MAP2K5: variants seen among roughly 807,000 people sequenced by gnomAD.
The protein encoded by MAP2K5 is dual specificity mitogen-activated protein kinase kinase 5.
MAP2K5 carries 49 observed loss-of-function variants against 83.1 expected under a neutral mutation model. The ratio of observed to expected loss-of-function variants is 0.59; its 90% CI spans 0.47 to 0.75. The LOEUF (loss-of-function observed/expected upper bound fraction) is 0.75. Ranked by LOEUF, MAP2K5 falls within the 30% of genes least tolerant of loss-of-function variation. MAP2K5 has a pLI of 0.00. For synonymous variants in MAP2K5, 202 were observed against 191.8 expected (o/e 1.05, Z -0.44); for missense variants, 457 against 557.5 (o/e 0.82, Z 1.82).
intron 17 of MAP2K5, among the ~76,000 whole-genome samples, chr15:67,733,964 C>T (rs2089283286): frequency 6.6e-6 from 1 of 152,204 alleles, no homozygotes; most frequent in Non-Finnish European, 1.5e-5. Context: ...GCATTTGCTT[C>T]AGAACCTCCT....
chr15:67,631,364 G>A (rs1277756941), intron 9 of MAP2K5, among the ~76,000 whole-genome samples: 1 of 151,976 alleles, frequency 6.6e-6, no homozygotes, highest in Non-Finnish European at 1.5e-5. Context: ...GTCTTGGATC[G>A]GGCTCACATT....
Position 67,565,594 on chromosome 15 carries a change from C to G in MAP2K5, c.252+2244C>G, listed in dbSNP as rs1227871990. Among the ~76,000 whole-genome samples the G allele has an allele frequency of 6.6e-6, 1 of 152,014 alleles. No individual in the cohort carries two copies. Among genetic ancestry groups the G allele is most frequent in the Non-Finnish European group, 1.5e-5 (1 of 68,018 alleles). Reference sequence around the variant, plus strand: ...TAATACCTTAGTTGTGATTTCTGCACCATGTATTCCTTACAGCATATGCTT... The same window carrying G: ...TAATACCTTAGTTGTGATTTCTGCAGCATGTATTCCTTACAGCATATGCTT... On this transcript the variant is annotated intron_variant, in intron 3 of 21. Coordinates refer to ENST00000178640, the MANE Select transcript of MAP2K5 (RefSeq NM_145160.3). The surrounding 1 kb of genome is among the most constrained non-coding windows in gnomAD (Gnocchi z 4.1).
Position 67,701,261 on chromosome 15 carries a change from A to G in MAP2K5, c.973-2076A>G, listed in dbSNP as rs138911722. On this transcript the variant is annotated intron_variant, in intron 15 of 21. Transcript: ENST00000178640. The stretch of plus-strand genomic sequence containing the variant: ...AAGTTCTTGACAGACATGAATAGCA[A>G]TGTATGAGGAAGTTATATAAGAACT... 2.0e-5 allele frequency among the ~76,000 whole-genome samples: 3 copies of G among 152,334 alleles called. No individual in the cohort carries two copies. In the East Asian group the frequency reaches 5.8e-4, roughly 29 times the overall value.
intron 13 of MAP2K5, among the ~76,000 whole-genome samples, chr15:67,666,015 C>G (rs2087368888): frequency 6.6e-6 from 1 of 152,150 alleles, no homozygotes; most frequent in Non-Finnish European, 1.5e-5. Flanking sequence ...ATGGTCAGTT[C>G]TCAAAATTTT....
At chr15:67,622,848 C>G (rs1412788573) in intron 8 of MAP2K5, among the ~76,000 whole-genome samples, 1 of 152,166 alleles carries the variant, frequency 6.6e-6, no homozygotes, top group Non-Finnish European at 1.5e-5. Context: ...CCTGTAATCC[C>G]AGCACTTTGG....
At chr15:67,589,730 T>C (rs2085356863) in intron 6 of MAP2K5, among the ~76,000 whole-genome samples, 1 of 152,086 alleles carries the variant, frequency 6.6e-6, no homozygotes, top group Non-Finnish European at 1.5e-5. Context: ...TGGGAGTCAT[T>C]TGTGGGAAAA....
intron 17 of MAP2K5, among the ~76,000 whole-genome samples, chr15:67,740,491 C>T (rs551945915): frequency 1.5e-4 from 23 of 151,944 alleles, no homozygotes; most frequent in Non-Finnish European, 2.8e-4. Context: ...ACTCAGGAGG[C>T]GGAGGTGGGA....
intron 9 of MAP2K5, among the ~76,000 whole-genome samples, chr15:67,645,935 T>C (rs2086821747): frequency 6.6e-6 from 1 of 152,066 alleles, no homozygotes; most frequent in Non-Finnish European, 1.5e-5. Flanking sequence ...TAAAATAGAG[T>C]GCATAAATTA....
chr15:67,697,179 T>C (rs1455890105), intron 15 of MAP2K5, among the ~76,000 whole-genome samples: 1 of 149,950 alleles, frequency 6.7e-6, no homozygotes, highest in Non-Finnish European at 1.5e-5. Flanking sequence ...TTAGAAGTCA[T>C]TTGATACCCT....
intron 13 of MAP2K5, among the ~76,000 whole-genome samples, chr15:67,678,483 T>C (rs1268403663): frequency 6.6e-6 from 1 of 152,188 alleles, no homozygotes; most frequent in Non-Finnish European, 1.5e-5. Context: ...GTGAGACATG[T>C]AAAAGTTCAG....
At chr15:67,692,799 C>A (rs1350945429) in intron 14 of MAP2K5, among the ~76,000 whole-genome samples, 1 of 152,126 alleles carries the variant, frequency 6.6e-6, no homozygotes, top group Non-Finnish European at 1.5e-5. Context: ...GAATAGCAAA[C>A]TTCATTGATA....
In MAP2K5 at chr15:67,756,515, C is replaced by CTGTGTGTGTG. The variant is rs200627656; in HGVS notation, c.1134+7952_1134+7961dup. ...ATATATCTAACCCCACACACAGTTACTGTGTGTGTGTGTGTGTGTGTGTGT... is the reference window on the plus strand; with the variant it reads ...ATATATCTAACCCCACACACAGTTACTGTGTGTGTGTGTGTGTGTGTGTGTGTGTGTGTGT... On this transcript the variant is annotated intron_variant, in intron 19 of 21. Coordinates refer to ENST00000178640, the MANE Select transcript of MAP2K5 (RefSeq NM_145160.3). Among the ~76,000 whole-genome samples, 871 of 131,552 alleles carry CTGTGTGTGTG rather than the reference C, an allele frequency of 6.6e-3. 2 individuals are homozygous for CTGTGTGTGTG. The highest frequency in any genetic ancestry group is 0.012 in the African/African-American group (431 of 35,792). The allele number at this position is 131,552 out of a possible 152,430, so 86.3% of individuals were successfully genotyped here.
At chr15:67,695,123 G>A (rs1050292097) in intron 15 of MAP2K5, among the ~76,000 whole-genome samples, 1 of 138,716 alleles carries the variant, frequency 7.2e-6, no homozygotes, top group Non-Finnish European at 1.6e-5. Context: ...TTGGGGGGAG[G>A]GGGGAGGGAT....
chr15:67,582,823 A>AACAC (rs10579310), intron 4 of MAP2K5, among the ~76,000 whole-genome samples: 204 of 148,232 alleles, frequency 1.4e-3, no homozygotes, highest in South Asian at 9.1e-3. Flanking sequence ...ATTGTCTCAA[A>AACAC]ACACACACAC....
At chr15:67,643,678 C>G (rs2086768634) in intron 9 of MAP2K5, among the ~76,000 whole-genome samples, 1 of 152,106 alleles carries the variant, frequency 6.6e-6, no homozygotes, top group Admixed American at 6.5e-5. Flanking sequence ...GATCTCCTGA[C>G]CTCGTGATCT....
At chr15:67,694,597 A>T (rs1287466852) in intron 15 of MAP2K5, among the ~76,000 whole-genome samples, 1 of 152,222 alleles carries the variant, frequency 6.6e-6, no homozygotes, top group Non-Finnish European at 1.5e-5. Context: ...ATCATTAAAA[A>T]GTCAGGAAAC....
chr15:67,593,051 T>G (rs1272247692), intron 7 of MAP2K5, 77 bp downstream of exon 7: 9 of 902,276 alleles, frequency 1.0e-5, no homozygotes, highest in South Asian at 8.0e-5. Flanking sequence ...ATAAGCTTAT[T>G]AAACAGATAA....
Position 67,563,276 on chromosome 15 carries a change from T to C in MAP2K5, c.185-7T>C, listed in dbSNP as rs1036900410. 12 of 1,609,866 alleles carry C rather than the reference T, an allele frequency of 7.5e-6. No homozygotes were observed. The highest frequency in any genetic ancestry group is 1.7e-4 in the Middle Eastern group (1 of 6,048). On this transcript the variant is annotated splice_region_variant and splice_polypyrimidine_tract_variant and intron_variant, in intron 2 of 21. Transcript: ENST00000178640. The surrounding 1 kb of genome is among the most constrained non-coding windows in gnomAD (Gnocchi z 4.5). ...CCTTATCATTTGCATTATGTGCTTT[T>C]AAACAGATGAAGATGAAGATGGTGA...
chr15:67,712,698 C>G (rs2141228038), intron 16 of MAP2K5, among the ~76,000 whole-genome samples: 1 of 152,252 alleles, frequency 6.6e-6, no homozygotes, highest in East Asian at 1.9e-4. Context: ...GCAGGCGGAT[C>G]ACGAGGTCAG....
Sources: allele counts gnomAD v4.1 joint callset (sites outside exome capture counted in the v4.1 genomes callset), GRCh38; gene constraint gnomAD v4.1.1; non-coding constraint Gnocchi (gnomAD v3.1); transcripts MANE v1.5; gene names NCBI Gene and HGNC (gene_info 2026-07-23, HGNC 2026-07-21).